Variants in SLC16A12 observed in about 807,000 individuals in gnomAD.
SLC16A12 encodes monocarboxylate transporter 12.
A neutral mutation model predicts 42.4 loss-of-function variants in SLC16A12; 17 were observed. The ratio of observed to expected loss-of-function variants is 0.40; its 90% CI spans 0.27 to 0.60. The LOEUF (loss-of-function observed/expected upper bound fraction) is 0.60, where lower values mean the gene tolerates loss of function less well. Among genes scored for constraint, SLC16A12 ranks in the 20% least tolerant of loss-of-function variants. The pLI is 0.42. For synonymous variants in SLC16A12, 224 were observed against 229.4 expected (o/e 0.98, Z 0.21); for missense variants, 544 against 623.0 (o/e 0.87, Z 1.35).
At chr10:89,506,195 A>G (rs117689399) in intron 2 of SLC16A12, among the ~76,000 whole-genome samples, 7,806 of 152,314 alleles carry the variant, frequency 0.051, 395 homozygotes, top group African/African-American at 0.12. Context: ...AGAGAGCAGT[A>G]GTTCTCCCAG....
chr10:89,439,203 T>C lies in SLC16A12; in HGVS notation c.449-20A>G, dbSNP rs746214125. On this transcript the variant is annotated intron_variant, in intron 5 of 7. Transcript: ENST00000371790. The stretch of plus-strand genomic sequence containing the variant: ...CAAGACCTGAGGATAAAGAGAACTC[T>C]ATGAGTGCTGAAGTACCATAAACAG... 1.2e-6 allele frequency: 2 copies of C among 1,608,184 alleles called. No individual in the cohort carries two copies. Among genetic ancestry groups the C allele is most frequent in the South Asian group, 2.2e-5 (2 of 90,954 alleles).
intron 3 of SLC16A12, among the ~76,000 whole-genome samples, chr10:89,448,711 C>G (rs566417545): frequency 2.0e-4 from 30 of 152,314 alleles, no homozygotes; most frequent in African/African-American, 7.0e-4. Context: ...CAGGGACGCC[C>G]TCTCTCACCA....
Position 89,463,646 on chromosome 10 carries a change from A to C in SLC16A12, c.-46-1022T>G, listed in dbSNP as rs558682408. Among the ~76,000 whole-genome samples the C allele has an allele frequency of 2.8e-4, 43 of 152,362 alleles. 2 individuals carry two copies. In the South Asian group the frequency reaches 6.4e-3, roughly 23 times the overall value. The stretch of plus-strand genomic sequence containing the variant: ...TAATTTGTCTAAATTAAAATTTAAC[A>C]TTTCTGTATTAAAACATGTGATTAA... On this transcript the variant is annotated intron_variant, in intron 2 of 7. Transcript: ENST00000371790.
At chr10:89,525,839 T>C (rs1023687957) in intron 2 of SLC16A12, among the ~76,000 whole-genome samples, 1 of 152,158 alleles carries the variant, frequency 6.6e-6, no homozygotes, top group African/African-American at 2.4e-5. Context: ...AACCTAGCAG[T>C]CACTATTCAA....
chr10:89,450,626 A>G (rs1842080110), intron 3 of SLC16A12, among the ~76,000 whole-genome samples: 1 of 152,190 alleles, frequency 6.6e-6, no homozygotes, highest in Admixed American at 6.5e-5. Flanking sequence ...GGGATGGGGG[A>G]GGGACAGCAT....
chr10:89,436,309 T>C lies in SLC16A12; in HGVS notation c.1039A>G (p.Asn347Asp). The change falls in exon 7 of 8, where the codon AAT becomes GAT. Residue 347 changes from asparagine (N) to aspartate (D), a missense_variant. Coordinates refer to ENST00000371790, the MANE Select transcript of SLC16A12 (RefSeq NM_213606.4). ...AAGAGGTAGCAAACATACTGGTAAT[T>C]CTTCAGACACCTGTAGATTTGAAGA... ...GWLTDRRCLK[N>D]YQYVCYLFAV... 6.2e-7 allele frequency: 1 copy of C among 1,614,084 alleles called. No homozygotes were observed. The highest frequency in any genetic ancestry group is 1.1e-5 in the South Asian group (1 of 91,084).
chr10:89,538,977 T>C (rs1843696411), upstream of SLC16A12, among the ~76,000 whole-genome samples: 1 of 152,196 alleles, frequency 6.6e-6, no homozygotes, highest in African/African-American at 2.4e-5. Flanking sequence ...CTCCAGGTGA[T>C]ATCTAATCAC....
intron 2 of SLC16A12, among the ~76,000 whole-genome samples, chr10:89,465,108 A>G (rs1189498111): frequency 6.6e-6 from 1 of 152,234 alleles, no homozygotes; most frequent in East Asian, 1.9e-4. Flanking sequence ...GCTATTTACA[A>G]AACACTTGCC....
intron 2 of SLC16A12, among the ~76,000 whole-genome samples, chr10:89,488,100 AC>A: frequency 6.6e-6 from 1 of 150,822 alleles, no homozygotes; most frequent in Non-Finnish European, 1.5e-5. Flanking sequence ...ATCATGGAAT[AC>A]TACATAGCCA....
intron 3 of SLC16A12, among the ~76,000 whole-genome samples, chr10:89,453,421 T>C (rs1312668046): frequency 6.6e-6 from 1 of 152,240 alleles, no homozygotes; most frequent in Non-Finnish European, 1.5e-5. Flanking sequence ...ATGTACCACA[T>C]AATGACATTT....
rs559651910 is a variant in SLC16A12 at position 89,481,664 on chromosome 10, T to TGTGA, written c.-46-19041_-46-19040insTCAC. On this transcript the variant is annotated intron_variant, in intron 2 of 7. Coordinates refer to ENST00000371790, the MANE Select transcript of SLC16A12 (RefSeq NM_213606.4). ...TTTCTTGTGTGTGTGTGTGTGTGTGTGAGAGAGAGAGAGAGTGTGTGTGTG... is the reference window on the plus strand; with the variant it reads ...TTTCTTGTGTGTGTGTGTGTGTGTGTGTGAGAGAGAGAGAGAGAGTGTGTGTGTG... Among the ~76,000 whole-genome samples the TGTGA allele has an allele frequency of 3.6e-3, 499 of 139,580 alleles. 2 individuals carry two copies. Among genetic ancestry groups the TGTGA allele is most frequent in the South Asian group, 9.9e-3 (44 of 4,438 alleles). 91.6% of individuals were successfully genotyped at this position (139,580 alleles called of 152,430 possible).
chr10:89,472,835 T>C (rs985039044), intron 2 of SLC16A12, among the ~76,000 whole-genome samples: 5 of 151,990 alleles, frequency 3.3e-5, no homozygotes, highest in African/African-American at 1.2e-4. Context: ...ATTATTTTCT[T>C]GAGACAGGAT....
chr10:89,455,674 T>A (rs1197872099), intron 3 of SLC16A12, among the ~76,000 whole-genome samples: 1 of 152,224 alleles, frequency 6.6e-6, no homozygotes, highest in Admixed American at 6.5e-5. Flanking sequence ...CATGTGTGCA[T>A]CTCACTCCAG....
chr10:89,455,898 A>T (rs1323231614), intron 3 of SLC16A12, among the ~76,000 whole-genome samples: 1 of 152,216 alleles, frequency 6.6e-6, no homozygotes, highest in Non-Finnish European at 1.5e-5. Flanking sequence ...AACAACTCCT[A>T]ACAACTTTCA....
At chr10:89,507,309 A>G (rs938744016) in intron 2 of SLC16A12, among the ~76,000 whole-genome samples, 10 of 152,216 alleles carry the variant, frequency 6.6e-5, no homozygotes, top group African/African-American at 2.2e-4. Flanking sequence ...AAAAAATGTT[A>G]AAGGCAGCCA....
At chr10:89,528,694 C>T (rs1843494250) in intron 2 of SLC16A12, among the ~76,000 whole-genome samples, 1 of 152,078 alleles carries the variant, frequency 6.6e-6, no homozygotes, top group Admixed American at 6.6e-5. Context: ...TCTAAAGAGG[C>T]ACAAAATTAT....
At chr10:89,510,834 T>A (rs1314042783) in intron 2 of SLC16A12, among the ~76,000 whole-genome samples, 1 of 152,220 alleles carries the variant, frequency 6.6e-6, no homozygotes, top group African/African-American at 2.4e-5. Context: ...TCTATCCATC[T>A]GACAAAGGGC....
At chr10:89,509,001 T>A (rs947754288) in intron 2 of SLC16A12, among the ~76,000 whole-genome samples, 1 of 151,998 alleles carries the variant, frequency 6.6e-6, no homozygotes, top group Non-Finnish European at 1.5e-5. Context: ...CTAGAAGAAA[T>A]GGACAAATTC....
intron 2 of SLC16A12, among the ~76,000 whole-genome samples, chr10:89,549,516 A>AGTTTTT (rs1843759040): frequency 6.6e-6 from 1 of 152,224 alleles, no homozygotes; most frequent in Non-Finnish European, 1.5e-5. Flanking sequence ...AATAGGCATC[A>AGTTTTT]GTTTTTGTTT....
Sources: gnomAD v4.1 joint callset for allele counts (sites outside exome capture counted in the v4.1 genomes callset) on GRCh38, gnomAD v4.1.1 for gene constraint, MANE v1.5 for transcripts, NCBI Gene and HGNC (gene_info 2026-07-23, HGNC 2026-07-21) for gene names.